Variants in METTL16 observed in about 807,000 individuals in gnomAD.
METTL16 encodes methyltransferase 16, RNA N6-adenosine.
In METTL16, 19 loss-of-function variants were observed where a neutral mutation model predicts 57.9. The ratio of observed to expected loss-of-function variants is 0.33; its 90% CI spans 0.23 to 0.48. The LOEUF (loss-of-function observed/expected upper bound fraction) is 0.48. METTL16 is among the 20% of genes least tolerant of loss of function. The probability of loss-of-function intolerance (pLI) is 0.99; values close to 1 mark genes in which losing one functional copy is unlikely to be tolerated. For missense variants in METTL16, 434 were observed against 691.5 expected, an observed-to-expected ratio of 0.63 and a Z score of 4.18; for synonymous variants, 246 against 255.6, an observed-to-expected ratio of 0.96 and a Z score of 0.36.
At chr17:2,495,497 C>G (rs1452716443) in intron 2 of METTL16, among the ~76,000 whole-genome samples, 1 of 149,472 alleles carries the variant, frequency 6.7e-6, no homozygotes. Context: ...GAGTTCGAGA[C>G]CAGCCTGGCT....
chr17:2,486,631 T>G (rs1204157774), intron 2 of METTL16, among the ~76,000 whole-genome samples: 1 of 151,938 alleles, frequency 6.6e-6, no homozygotes, highest in African/African-American at 2.4e-5. Context: ...TGGAACAAAG[T>G]GGAAGCAAAG....
At chr17:2,433,806 C>T (rs571759762) in intron 8 of METTL16, among the ~76,000 whole-genome samples, 4 of 152,302 alleles carry the variant, frequency 2.6e-5, no homozygotes, top group African/African-American at 9.6e-5. Context: ...AAACATACAA[C>T]AAACACTGGG....
intron 4 of METTL16, among the ~76,000 whole-genome samples, chr17:2,473,007 A>G (rs559115357): frequency 1.3e-5 from 2 of 152,110 alleles, no homozygotes; most frequent in Non-Finnish European, 2.9e-5. Context: ...GGTGATAATG[A>G]TGTGCCAGCA....
chr17:2,427,916 C>A (rs1337307970), intron 8 of METTL16, among the ~76,000 whole-genome samples: 2 of 147,288 alleles, frequency 1.4e-5, no homozygotes, highest in East Asian at 4.1e-4. Flanking sequence ...GAGTTTGAGA[C>A]CAGCTTGGGC....
chr17:2,438,743 C>T (rs971313146), intron 7 of METTL16, among the ~76,000 whole-genome samples: 3 of 152,212 alleles, frequency 2.0e-5, no homozygotes, highest in African/African-American at 7.2e-5. Context: ...ATCCGCCCAC[C>T]TCGGCCTCCC....
intron 6 of METTL16, among the ~76,000 whole-genome samples, chr17:2,445,304 T>C (rs1164578788): frequency 6.6e-6 from 1 of 152,118 alleles, no homozygotes; most frequent in East Asian, 1.9e-4. Flanking sequence ...TATTATTACA[T>C]TATAGGCCTA....
At chr17:2,507,872 T>C (rs1307753320) in intron 1 of METTL16, among the ~76,000 whole-genome samples, 4 of 152,090 alleles carry the variant, frequency 2.6e-5, no homozygotes, top group Non-Finnish European at 2.9e-5. Flanking sequence ...CCACTCAGGG[T>C]TGAATGGATG....
intron 2 of METTL16, among the ~76,000 whole-genome samples, chr17:2,493,274 A>T (rs1207539647): frequency 6.6e-6 from 1 of 150,852 alleles, no homozygotes; most frequent in Non-Finnish European, 1.5e-5. Context: ...TATTTTTAGT[A>T]GAGATGGGGT....
chr17:2,452,462 C>T (rs77400945), intron 6 of METTL16, among the ~76,000 whole-genome samples: 2 of 152,080 alleles, frequency 1.3e-5, no homozygotes, highest in East Asian at 1.9e-4. Flanking sequence ...CTACTCTCAA[C>T]GGGCATCTTG....
intron 2 of METTL16, among the ~76,000 whole-genome samples, chr17:2,479,031 T>A (rs1407751478): frequency 1.3e-5 from 2 of 152,220 alleles, no homozygotes; most frequent in Non-Finnish European, 2.9e-5. Context: ...TATATTTGTA[T>A]TTAACCTTTT....
At chr17:2,455,930 C>A (rs1401976938) in intron 6 of METTL16, among the ~76,000 whole-genome samples, 1 of 152,004 alleles carries the variant, frequency 6.6e-6, no homozygotes, top group Non-Finnish European at 1.5e-5. Flanking sequence ...CTGCAGTGAG[C>A]CGTGATCATG....
chr17:2,446,966 CAA>C (rs1302378531), intron 6 of METTL16, among the ~76,000 whole-genome samples: 18 of 151,530 alleles, frequency 1.2e-4, no homozygotes, highest in African/African-American at 4.4e-4. Context: ...CTTGGCCCCC[CAA>C]AGTGCCGAGA....
chr17:2,462,451 T>C (rs1015032997), intron 6 of METTL16, among the ~76,000 whole-genome samples: 9 of 152,298 alleles, frequency 5.9e-5, no homozygotes, highest in African/African-American at 2.2e-4. Context: ...AAATTTTAGA[T>C]GGCGATACGG....
chr17:2,433,947 TACTC>T (rs1421743525), intron 8 of METTL16, among the ~76,000 whole-genome samples: 2 of 152,190 alleles, frequency 1.3e-5, no homozygotes, highest in Non-Finnish European at 2.9e-5. Flanking sequence ...ACTCAGCACT[TACTC>T]ACATGCAAAT....
At position 2,489,737 on chromosome 17, in the gene METTL16, A is replaced by AAAAAAAAAAC. The variant is rs1157432086; in HGVS notation, c.129-11853_129-11852insGTTTTTTTTT. 6.0e-5 allele frequency among the ~76,000 whole-genome samples: 9 copies of AAAAAAAAAAC among 149,782 alleles called. 1 individual carries two copies. The highest frequency in any genetic ancestry group is 4.7e-4 in the Admixed American group (7 of 15,018). ...CTGGATGACAGAGCGAGACTCAAAA[A>AAAAAAAAAAC]AAAAAAAAAAAACGAATACTGCGAT... On this transcript the variant is annotated intron_variant, in intron 2 of 9. Transcript: ENST00000263092.
At chr17:2,445,334 C>T (rs756537674) in intron 6 of METTL16, among the ~76,000 whole-genome samples, 26 of 152,044 alleles carry the variant, frequency 1.7e-4, no homozygotes, top group Non-Finnish European at 3.2e-4. Flanking sequence ...TAGGCTATAT[C>T]ATCTATAGCA....
At position 2,448,781 on chromosome 17, in the gene METTL16, T is replaced by TAA. The variant is rs1369462081; in HGVS notation, c.729-7224_729-7223dup. ...ATAAAAAAAATAAAAAATAAAAAAA[T>TAA]AAAAAAATAAAAATAAAATTTAAAA... On this transcript the variant is annotated intron_variant, in intron 6 of 9. Transcript: ENST00000263092. Among the ~76,000 whole-genome samples, 207 of 33,652 alleles carry TAA rather than the reference T, an allele frequency of 6.2e-3. 4 individuals are homozygous for TAA. Among genetic ancestry groups the TAA allele is most frequent in the African/African-American group, 0.018 (181 of 10,252 alleles). 22.1% of individuals were successfully genotyped at this position (33,652 alleles called of 152,430 possible). A position where few individuals can be genotyped will look rare whatever the true frequency, so the allele number is the denominator to read the frequency against.
chr17:2,467,118 A>G lies in METTL16; in HGVS notation c.585+643T>C, dbSNP rs187651536. 1.0e-3 allele frequency among the ~76,000 whole-genome samples: 152 copies of G among 152,176 alleles called. 1 individual carries two copies. The highest frequency in any genetic ancestry group is 3.3e-3 in the African/African-American group (135 of 41,530). ...CCGTGCAAGCTTCCCAATGCTTTCAATGCATGGCTGGCTGAATCCACGATG... is the reference window on the plus strand; with the variant it reads ...CCGTGCAAGCTTCCCAATGCTTTCAGTGCATGGCTGGCTGAATCCACGATG... On this transcript the variant is annotated intron_variant, in intron 5 of 9. Coordinates refer to ENST00000263092, the MANE Select transcript of METTL16 (RefSeq NM_024086.4).
intron 8 of METTL16, among the ~76,000 whole-genome samples, chr17:2,428,349 A>G (rs924476103): frequency 6.6e-6 from 1 of 151,318 alleles, no homozygotes; most frequent in African/African-American, 2.4e-5. Context: ...ATGATAAAAA[A>G]GACTCACGAG....
Sources: gnomAD v4.1 joint callset for allele counts (sites outside exome capture counted in the v4.1 genomes callset) on GRCh38, gnomAD v4.1.1 for gene constraint, MANE v1.5 for transcripts, NCBI Gene and HGNC (gene_info 2026-07-23, HGNC 2026-07-21) for gene names.